The following OSTF1 variants were observed in gnomAD, a reference collection of about 807,000 sequenced individuals.
OSTF1 encodes osteoclast-stimulating factor 1.
Under a neutral mutation model 37.2 loss-of-function variants are expected in OSTF1, and 27 were observed. The observed-to-expected ratio is 0.73, with a 90% CI of 0.54 to 1.00. The LOEUF (loss-of-function observed/expected upper bound fraction) is 1.00, where lower values mean the gene tolerates loss of function less well. Ranked by LOEUF, OSTF1 falls within the 50% of genes least tolerant of loss-of-function variation. The pLI is 0.00. For missense variants in OSTF1, 232 were observed against 253.8 expected (o/e 0.91, Z 0.58); for synonymous variants, 82 against 89.2 (o/e 0.92, Z 0.46).
Position 75,088,656 on chromosome 9 carries a change from G to C in OSTF1, c.-37G>C, listed in dbSNP as rs2118333128. On this transcript the variant is annotated 5_prime_UTR_variant, in exon 1 of 10. Coordinates refer to ENST00000346234, the MANE Select transcript of OSTF1 (RefSeq NM_012383.5). Reference sequence around the variant, plus strand: ...GTGGCGGGCAAGCGGTGGGCTTTTCGGCGGGGTCTTTAGGATTTGCAGCTC... The same window carrying C: ...GTGGCGGGCAAGCGGTGGGCTTTTCCGCGGGGTCTTTAGGATTTGCAGCTC... The C allele has an allele frequency of 1.3e-6, 2 of 1,599,530 alleles. No homozygotes were observed. The highest frequency in any genetic ancestry group is 1.1e-5 in the South Asian group (1 of 89,196).
intron 7 of OSTF1, among the ~76,000 whole-genome samples, chr9:75,136,540 A>G (rs7039751): frequency 0.78 from 118,809 of 151,778 alleles, 46,851 homozygotes; most frequent in African/African-American, 0.87. Context: ...CTACAGGCCC[A>G]TGCCACTGGC....
At chr9:75,088,868 C>T in intron 1 of OSTF1, 142 bp downstream of exon 1, 1 of 742,722 alleles carries the variant, frequency 1.3e-6, no homozygotes, top group South Asian at 1.6e-5. Context: ...GATGGGCGCT[C>T]TTAGTTTTGC....
At chr9:75,119,750 A>G (rs1380888297) in intron 2 of OSTF1, among the ~76,000 whole-genome samples, 1 of 152,160 alleles carries the variant, frequency 6.6e-6, no homozygotes, top group Non-Finnish European at 1.5e-5. Flanking sequence ...GTGGATCACG[A>G]GGTCAGAAGA....
intron 1 of OSTF1, among the ~76,000 whole-genome samples, chr9:75,090,608 TA>T (rs1044958169): frequency 4.9e-4 from 75 of 152,232 alleles, no homozygotes; most frequent in African/African-American, 1.7e-3. Flanking sequence ...GCCAGTTTAG[TA>T]ATTTACAGTG....
chr9:75,140,945 A>T lies in OSTF1; in HGVS notation c.586+13A>T. The T allele has an allele frequency of 1.3e-6, 2 of 1,564,058 alleles. No individual in the cohort carries two copies. Among genetic ancestry groups the T allele is most frequent in the Non-Finnish European group, 1.8e-6 (2 of 1,135,120 alleles). On this transcript the variant is annotated intron_variant, in intron 9 of 9. Transcript: ENST00000346234. ...AAACAGGGAACAGGTATTTGTTTTAAATTCTTCTTTCTCCTCTGGTGCCCC... is the reference window on the plus strand; with the variant it reads ...AAACAGGGAACAGGTATTTGTTTTATATTCTTCTTTCTCCTCTGGTGCCCC...
At position 75,101,683 on chromosome 9, in the gene OSTF1, T is replaced by C. The variant is rs369510339; in HGVS notation, c.34+12957T>C. Among the ~76,000 whole-genome samples the C allele has an allele frequency of 1.2e-3, 177 of 152,354 alleles. 1 individual carries two copies. In the South Asian group the frequency reaches 0.018, roughly 16 times the overall value. ...TCTCCTATGTCCAAAGTTTGTATTA[T>C]TTTACCAGAGTTCTAATATTAGCTA... On this transcript the variant is annotated intron_variant, in intron 1 of 9. Transcript: ENST00000346234.
intron 2 of OSTF1, among the ~76,000 whole-genome samples, chr9:75,119,644 A>T (rs942910982): frequency 2.0e-5 from 3 of 152,166 alleles, no homozygotes; most frequent in Non-Finnish European, 1.5e-5. Context: ...TTTCCTCTGA[A>T]TGTCTGTGTT....
intron 1 of OSTF1, among the ~76,000 whole-genome samples, chr9:75,092,739 A>C (rs1824997871): frequency 6.6e-6 from 1 of 152,194 alleles, no homozygotes; most frequent in African/African-American, 2.4e-5. Context: ...GAAAATAAAA[A>C]CAATTACCCT....
Position 75,133,374 on chromosome 9 carries a change from T to C in OSTF1, c.331T>C (p.Tyr111His), listed in dbSNP as rs1450953066. 6.2e-7 allele frequency: 1 copy of C among 1,609,016 alleles called. No homozygotes were observed. Among genetic ancestry groups the C allele is most frequent in the African/African-American group, 1.3e-5 (1 of 74,820 alleles). ...GLDKAGSTAL[Y>H]WACHGGHKDI... ...AGACAAAGCTGGAAGCACTGCCTTA[T>C]ACTGGGCTTGCCACGGGGGCCACAA... The change falls in exon 6 of 10, where the codon TAC becomes CAC. Residue 111 changes from tyrosine to histidine, a missense_variant. Physicochemically the swap from Tyr to His is moderately conservative, Grantham distance 83. Coordinates refer to ENST00000346234, the MANE Select transcript of OSTF1 (RefSeq NM_012383.5).
At chr9:75,122,860 T>C (rs1825602505) in intron 2 of OSTF1, among the ~76,000 whole-genome samples, 1 of 152,232 alleles carries the variant, frequency 6.6e-6, no homozygotes, top group African/African-American at 2.4e-5. Flanking sequence ...AGAATTTGTT[T>C]TCTCTTTTTA....
chr9:75,137,639 C>G (rs1419411028), intron 8 of OSTF1, 23 bp downstream of exon 8: 2 of 1,472,368 alleles, frequency 1.4e-6, no homozygotes, highest in South Asian at 1.1e-5. Context: ...CTGAGTTTAT[C>G]TGGTCTTTGC....
At chr9:75,093,975 A>G (rs188396863) in intron 1 of OSTF1, among the ~76,000 whole-genome samples, 8 of 152,280 alleles carry the variant, frequency 5.3e-5, no homozygotes, top group South Asian at 2.1e-4. Context: ...TGACTTTCCT[A>G]TCAGGTGGGT....
intron 1 of OSTF1, among the ~76,000 whole-genome samples, chr9:75,093,605 G>A (rs539401754): frequency 1.5e-4 from 23 of 152,156 alleles, no homozygotes; most frequent in Non-Finnish European, 3.2e-4. Context: ...AGAAGCAAAT[G>A]TCAGTGTTTC....
chr9:75,104,750 G>GTATTT (rs1454758682), intron 1 of OSTF1, among the ~76,000 whole-genome samples: 2 of 152,104 alleles, frequency 1.3e-5, no homozygotes, highest in East Asian at 3.9e-4. Context: ...CAGGAACTGC[G>GTATTT]CTCAGTATTT....
At chr9:75,145,352 C>G (rs1417095611) in intron 9 of OSTF1, among the ~76,000 whole-genome samples, 5 of 152,110 alleles carry the variant, frequency 3.3e-5, no homozygotes, top group African/African-American at 1.2e-4. Flanking sequence ...CCTACCTAAT[C>G]ATGTATCTTT....
chr9:75,118,397 C>T (rs965220330), intron 2 of OSTF1, among the ~76,000 whole-genome samples: 1 of 151,986 alleles, frequency 6.6e-6, no homozygotes, highest in Non-Finnish European at 1.5e-5. Context: ...GAGACTACTT[C>T]CGAGAGTTGG....
intron 1 of OSTF1, among the ~76,000 whole-genome samples, chr9:75,096,629 T>C (rs374774997): frequency 3.2e-4 from 48 of 152,342 alleles, no homozygotes; most frequent in African/African-American, 1.2e-3. Context: ...TTTAGGATTC[T>C]CGGCTTCCCA....
chr9:75,111,671 C>T (rs1162679771), intron 1 of OSTF1, among the ~76,000 whole-genome samples: 5 of 152,006 alleles, frequency 3.3e-5, no homozygotes, highest in Admixed American at 2.0e-4. Context: ...TGTTATATGT[C>T]ACTAGACTTT....
Position 75,143,583 on chromosome 9 carries a change from TC to T in OSTF1, c.586+2652del, listed in dbSNP as rs1825977782. ...ATGTACTTTTTGTGACTGACCTCTTTCATTTACATTATGTCTGTGAGAGTCA... is the reference window on the plus strand; with the variant it reads ...ATGTACTTTTTGTGACTGACCTCTTTATTTACATTATGTCTGTGAGAGTCA... On this transcript the variant is annotated intron_variant, in intron 9 of 9. Transcript: ENST00000346234. 1.1e-4 allele frequency among the ~76,000 whole-genome samples: 17 copies of T among 152,310 alleles called. No individual in the cohort carries two copies. The South Asian group carries it at 3.5e-3, about 32-fold the overall frequency.
Sources: gnomAD v4.1 joint callset for allele counts (sites outside exome capture counted in the v4.1 genomes callset) on GRCh38, gnomAD v4.1.1 for gene constraint, MANE v1.5 for transcripts, NCBI Gene and HGNC (gene_info 2026-07-23, HGNC 2026-07-21) for gene names.